CHLSN: variants seen among roughly 807,000 people sequenced by gnomAD.
CHLSN encodes the protein cholesin.
chr7:1,054,273 G>A, the CHLSN span, among the ~76,000 whole-genome samples: 7 of 152,218 alleles, frequency 4.6e-5, no homozygotes, highest in Non-Finnish European at 7.3e-5. Context: ...GGTACGGCTC[G>A]GCTTGTAACC....
the CHLSN span, among the ~76,000 whole-genome samples, chr7:1,102,704 C>T: frequency 6.6e-6 from 1 of 152,220 alleles, no homozygotes; most frequent in African/African-American, 2.4e-5. Context: ...TGTGATCCTG[C>T]GCCCCTTTCC....
the CHLSN span, among the ~76,000 whole-genome samples, chr7:995,016 G>A: frequency 6.6e-6 from 1 of 152,264 alleles, no homozygotes; most frequent in Non-Finnish European, 1.5e-5. Flanking sequence ...AGGGACGGAC[G>A]TGAGGGTCGT....
At chr7:1,135,870 A>AAAATATATATGAATATAT in the CHLSN span, among the ~76,000 whole-genome samples, 1 of 130,180 alleles carries the variant, frequency 7.7e-6, no homozygotes, top group Non-Finnish European at 1.6e-5. Flanking sequence ...TAAATATATA[A>AAAATATATATGAATATAT]AAATATATAT....
the CHLSN span, among the ~76,000 whole-genome samples, chr7:1,135,504 C>T: frequency 2.9e-4 from 44 of 151,954 alleles, no homozygotes; most frequent in African/African-American, 1.0e-3. Context: ...CGGTGGCTCA[C>T]GCCTGTAATC....
chr7:1,127,999 T>C, the CHLSN span, among the ~76,000 whole-genome samples: 1 of 29,038 alleles, frequency 3.4e-5, no homozygotes, highest in East Asian at 4.6e-4. Context: ...CATCCCACCG[T>C]CACCCGGGCT....
the CHLSN span, chr7:988,867 C>T: frequency 1.6e-6 from 2 of 1,256,550 alleles, no homozygotes; most frequent in South Asian, 2.8e-5. Flanking sequence ...CCCCTCCCAG[C>T]CCTGGGTCCT....
At chr7:1,062,441 C>T in the CHLSN span, among the ~76,000 whole-genome samples, 2 of 152,340 alleles carry the variant, frequency 1.3e-5, no homozygotes, top group African/African-American at 4.8e-5. Context: ...ATTCTGTCCA[C>T]CCAATCACCC....
chr7:1,069,222 G>C, the CHLSN span, among the ~76,000 whole-genome samples: 7 of 152,152 alleles, frequency 4.6e-5, no homozygotes, highest in Non-Finnish European at 8.8e-5. Context: ...TCCCAGCTAC[G>C]AAGAAGGCTG....
At chr7:991,902 C>T in the CHLSN span, among the ~76,000 whole-genome samples, 55 of 152,316 alleles carry the variant, frequency 3.6e-4, no homozygotes, top group Non-Finnish European at 7.2e-4. Flanking sequence ...TGTGAGGGCT[C>T]TGGGGACCTC....
chr7:1,095,928 C>A, the CHLSN span, among the ~76,000 whole-genome samples: 3 of 152,206 alleles, frequency 2.0e-5, no homozygotes. Flanking sequence ...GCCTGCTGTG[C>A]GGGAAGTGCA....
the CHLSN span, among the ~76,000 whole-genome samples, chr7:1,036,201 CATTT>C: frequency 1.3e-5 from 2 of 152,198 alleles, no homozygotes; most frequent in African/African-American, 4.8e-5. Flanking sequence ...AGTGGATATT[CATTT>C]ATCAAAACCC....
At chr7:983,251 C>T in the CHLSN span, 3 of 1,535,842 alleles carry the variant, frequency 2.0e-6, no homozygotes, top group Non-Finnish European at 2.6e-6. Flanking sequence ...CCTCCTGGGG[C>T]TCTGGGGGCT....
chr7:983,467 T>C, the CHLSN span: 1 of 1,296,350 alleles, frequency 7.7e-7, no homozygotes, highest in Non-Finnish European at 1.0e-6. Flanking sequence ...CCCAGCCCGG[T>C]TTCCACTGCC....
chr7:1,097,832 C>G, the CHLSN span, among the ~76,000 whole-genome samples: 2 of 152,190 alleles, frequency 1.3e-5, no homozygotes, highest in Non-Finnish European at 2.9e-5. This position sits in a 1 kb window ranked among gnomAD's most constrained non-coding sequence, Gnocchi z 4.3. Context: ...TAGGAACGCA[C>G]AGCCTGAGTC....
the CHLSN span, among the ~76,000 whole-genome samples, chr7:1,120,106 C>A: frequency 6.6e-6 from 1 of 152,040 alleles, no homozygotes; most frequent in Non-Finnish European, 1.5e-5. Context: ...TTTAAAACCA[C>A]ATACTCAGAA....
the CHLSN span, among the ~76,000 whole-genome samples, chr7:978,874 C>T: frequency 1.1e-4 from 17 of 152,242 alleles, no homozygotes; most frequent in African/African-American, 2.4e-4. Context: ...AGGCCTGGGC[C>T]GGGTTAGCTC....
the CHLSN span, among the ~76,000 whole-genome samples, chr7:1,049,451 C>T: frequency 6.6e-6 from 1 of 152,198 alleles, no homozygotes; most frequent in South Asian, 2.1e-4. Context: ...AGGATGTCAC[C>T]TGCCTGCAAA....
At chr7:1,080,508 A>G in the CHLSN span, among the ~76,000 whole-genome samples, 1 of 152,146 alleles carries the variant, frequency 6.6e-6, no homozygotes, top group African/African-American at 2.4e-5. Context: ...GTGCAGCCGC[A>G]CGGCCGCCAG....
chr7:995,675 G>A, the CHLSN span, among the ~76,000 whole-genome samples: 1 of 152,278 alleles, frequency 6.6e-6, no homozygotes, highest in African/African-American at 2.4e-5. Context: ...TGTGCTGCCA[G>A]CAGCCGGATC....
Sources: allele counts gnomAD v4.1 joint callset (sites outside exome capture counted in the v4.1 genomes callset), GRCh38; gene constraint gnomAD v4.1.1; non-coding constraint Gnocchi (gnomAD v3.1); transcripts MANE v1.5; gene names NCBI Gene and HGNC (gene_info 2026-07-23, HGNC 2026-07-21).